Variants in IFNLR1 observed in about 807,000 individuals in gnomAD.
IFNLR1 encodes the protein interferon lambda receptor 1, also known as CRF2-12.
A neutral mutation model predicts 52.5 loss-of-function variants in IFNLR1; 28 were observed. The ratio of observed to expected loss-of-function variants is 0.53; its 90% CI spans 0.40 to 0.73. The LOEUF (loss-of-function observed/expected upper bound fraction) is 0.73. Ranked by LOEUF, IFNLR1 falls within the 30% of genes least tolerant of loss-of-function variation. The pLI, the probability that IFNLR1 is intolerant of heterozygous loss-of-function variation, is 0.00. For missense variants in IFNLR1, 623 were observed against 659.1 expected (o/e 0.95, Z 0.60); for synonymous variants, 276 against 274.9 (o/e 1.00, Z -0.04).
chr1:24,159,766 T>A, intron 4 of IFNLR1, 133 bp from the exon 5 acceptor site: 2 of 750,958 alleles, frequency 2.7e-6, no homozygotes, highest in Non-Finnish European at 4.2e-6. Flanking sequence ...TTGTAGGGGA[T>A]AGGGTTTGGT....
In IFNLR1 at chr1:24,156,786, G is replaced by A. The variant is rs1032020829; in HGVS notation, c.*344C>T. The A allele has an allele frequency of 1.5e-5, 4 of 270,920 alleles. No individual in the cohort carries two copies. In the South Asian group the frequency reaches 2.1e-4, roughly 15 times the overall value. The allele number at this position is 270,920 out of a possible 1,614,324, so 16.8% of individuals were successfully genotyped here. A position where few individuals can be genotyped will look rare whatever the true frequency, so the allele number is the denominator to read the frequency against. Reference sequence around the variant, plus strand: ...TTGGTGGTGTCCGCCCTTGATGTCCGCAGTGACCTGACCTCACCTGTTTCA... The same window carrying A: ...TTGGTGGTGTCCGCCCTTGATGTCCACAGTGACCTGACCTCACCTGTTTCA... On this transcript the variant is annotated 3_prime_UTR_variant, in exon 7 of 7. Transcript: ENST00000327535.
chr1:24,169,088 T>TAA (rs36067957), intron 3 of IFNLR1, among the ~76,000 whole-genome samples: 5 of 151,914 alleles, frequency 3.3e-5, no homozygotes, highest in African/African-American at 9.7e-5. Flanking sequence ...AAGCTGAACA[T>TAA]AAAAAATAGG....
Position 24,159,160 on chromosome 1 carries a change from C to A in IFNLR1, c.693G>T (p.Val231=). 1 of 1,614,156 alleles carries A rather than the reference C, an allele frequency of 6.2e-7. No individual in the cohort carries two copies. The highest frequency in any genetic ancestry group is 1.6e-4 in the Middle Eastern group (1 of 6,062). The change falls in exon 6 of 7, where the codon GTG becomes GTT. Residue 231 remains valine, a synonymous_variant. Coordinates refer to ENST00000327535, the MANE Select transcript of IFNLR1 (RefSeq NM_170743.4). ...EVPEANWAFL[V]LPSLLILLLV... ...ACAGCAGTATCAGAAGCGATGGCAGCACCAGGAAAGCCCAGTTGGCTTCTA... is the reference window on the plus strand; with the variant it reads ...ACAGCAGTATCAGAAGCGATGGCAGAACCAGGAAAGCCCAGTTGGCTTCTA...
Position 24,157,928 on chromosome 1 carries a change from G to T in IFNLR1, c.802-37C>A, listed in dbSNP as rs780845405. ...AGGGGAGAGAAAAGCAGAAAATTTA[G>T]GCTTTCCTGAAGCATAATTATCATC... is the stretch of plus-strand genomic sequence containing the variant. On this transcript the variant is annotated intron_variant, in intron 6 of 6. Coordinates refer to ENST00000327535, the MANE Select transcript of IFNLR1 (RefSeq NM_170743.4). The surrounding 1 kb of genome is among the most constrained non-coding windows in gnomAD (Gnocchi z 5.1). The T allele has an allele frequency of 1.3e-6, 2 of 1,507,724 alleles. No individual in the cohort carries two copies. The highest frequency in any genetic ancestry group is 1.8e-6 in the Non-Finnish European group (2 of 1,129,450). 93.4% of individuals were successfully genotyped at this position (1,507,724 alleles called of 1,614,324 possible). A position where few individuals can be genotyped will look rare whatever the true frequency, so the allele number is the denominator to read the frequency against.
chr1:24,178,052 AG>A (rs968590397), intron 2 of IFNLR1, among the ~76,000 whole-genome samples: 33 of 152,220 alleles, frequency 2.2e-4, no homozygotes, highest in African/African-American at 7.2e-4. Flanking sequence ...TGGGAGGCCG[AG>A]GGGGGCAGAT....
intron 1 of IFNLR1, among the ~76,000 whole-genome samples, chr1:24,181,775 TG>T (rs796922336): frequency 5.3e-5 from 8 of 152,188 alleles, no homozygotes; most frequent in African/African-American, 1.9e-4. Context: ...GCCAGAGCAA[TG>T]GTCAGACAGG....
Position 24,156,789 on chromosome 1 carries a change from G to A in IFNLR1, c.*341C>T. 1 of 283,054 alleles carries A rather than the reference G, an allele frequency of 3.5e-6. No individual in the cohort carries two copies. The highest frequency in any genetic ancestry group is 6.6e-6 in the Non-Finnish European group (1 of 152,524). The allele number at this position is 283,054 out of a possible 1,614,324, so 17.5% of individuals were successfully genotyped here. A position where few individuals can be genotyped will look rare whatever the true frequency, so the allele number is the denominator to read the frequency against. On this transcript the variant is annotated 3_prime_UTR_variant, in exon 7 of 7. Coordinates refer to ENST00000327535, the MANE Select transcript of IFNLR1 (RefSeq NM_170743.4). Reference sequence around the variant, plus strand: ...GTGGTGTCCGCCCTTGATGTCCGCAGTGACCTGACCTCACCTGTTTCATGT... The same window carrying A: ...GTGGTGTCCGCCCTTGATGTCCGCAATGACCTGACCTCACCTGTTTCATGT...
chr1:24,159,621 C>T lies in IFNLR1; in HGVS notation c.523G>A (p.Val175Ile), dbSNP rs1352033907. The stretch of plus-strand genomic sequence containing the variant: ...TGGACTGGCTGGCCATGGGGAGTGA[C>T]TGGAAATAGGGTCTGTTTGGAAAAG... ...EGAGNKTLFP[V>I]TPHGQPVQIT... is the part of the protein sequence containing the mutation. The change falls in exon 5 of 7, where the codon GTC (valine) becomes ATC (isoleucine). Residue 175 changes from valine (V) to isoleucine (I), a missense_variant. Physicochemically the swap from Val to Ile is conservative, Grantham distance 29 (BLOSUM62 3). Transcript: ENST00000327535. 1 of 1,613,642 alleles carries T rather than the reference C, an allele frequency of 6.2e-7. No individual in the cohort carries two copies. The highest frequency in any genetic ancestry group is 8.5e-7 in the Non-Finnish European group (1 of 1,179,940).
rs182433768 is a variant in IFNLR1 at position 24,162,896 on chromosome 1, C to T, written c.368-1212G>A. On this transcript the variant is annotated intron_variant, in intron 3 of 6. Transcript: ENST00000327535. ...CTTTCTTTCCTTCCTTCCTTCCTTC[C>T]TTCCTTCCTTCCTTCCTTCCTTTTC... 5.9e-3 allele frequency among the ~76,000 whole-genome samples: 441 copies of T among 74,558 alleles called. 7 individuals carry two copies. The highest frequency in any genetic ancestry group is 0.013 in the East Asian group (28 of 2,216). The allele number at this position is 74,558 out of a possible 152,430, so 48.9% of individuals were successfully genotyped here.
chr1:24,185,675 G>A (rs758648961), intron 1 of IFNLR1, among the ~76,000 whole-genome samples: 1 of 152,154 alleles, frequency 6.6e-6, no homozygotes, highest in Non-Finnish European at 1.5e-5. Flanking sequence ...ACTTCCTAAC[G>A]GGTGACCAGC....
intron 2 of IFNLR1, among the ~76,000 whole-genome samples, chr1:24,174,575 G>A (rs1383798262): frequency 6.6e-6 from 1 of 152,152 alleles, no homozygotes; most frequent in Non-Finnish European, 1.5e-5. Context: ...GTTATAAAGT[G>A]GCAAAGAACT....
intron 2 of IFNLR1, among the ~76,000 whole-genome samples, chr1:24,179,698 CA>C (rs1366079579): frequency 2.0e-5 from 3 of 152,218 alleles, no homozygotes; most frequent in Admixed American, 1.3e-4. Flanking sequence ...GGGGAAAACA[CA>C]GAGCCTGCCT....
At position 24,162,962 on chromosome 1, in the gene IFNLR1, C is replaced by CTTTT. The variant is rs754939969; in HGVS notation, c.368-1282_368-1279dup. ...TCTCTTTCTTTCTTCTTTCTTTCCT[C>CTTTT]TTTTTTTTTTTTTTTTGAGACAGAG... is the stretch of plus-strand genomic sequence containing the variant. On this transcript the variant is annotated intron_variant, in intron 3 of 6. Coordinates refer to ENST00000327535, the MANE Select transcript of IFNLR1 (RefSeq NM_170743.4). 3.8e-3 allele frequency among the ~76,000 whole-genome samples: 342 copies of CTTTT among 89,388 alleles called. 34 individuals carry two copies. The highest frequency in any genetic ancestry group is 0.011 in the African/African-American group (247 of 22,968). The allele number at this position is 89,388 out of a possible 152,430, so 58.6% of individuals were successfully genotyped here. A position where few individuals can be genotyped will look rare whatever the true frequency, so the allele number is the denominator to read the frequency against.
intron 3 of IFNLR1, among the ~76,000 whole-genome samples, chr1:24,167,027 T>C (rs940269952): frequency 1.3e-5 from 2 of 152,210 alleles, no homozygotes; most frequent in Non-Finnish European, 2.9e-5. Flanking sequence ...TCCTCACCAG[T>C]GTGGGCAGGC....
Position 24,169,451 on chromosome 1 carries a change from C to A in IFNLR1, c.333G>T (p.Trp111Cys). 1.2e-5 allele frequency: 19 copies of A among 1,614,194 alleles called. No individual in the cohort carries two copies. The highest frequency in any genetic ancestry group is 1.6e-5 in the Non-Finnish European group (19 of 1,180,034). Reference sequence around the variant, plus strand: ...GGTAATCCAGGTATTCGGACTCCACCCAGGGGGACTTGGAGCTGGGAGAAA... The same window carrying A: ...GGTAATCCAGGTATTCGGACTCCACACAGGGGGACTTGGAGCTGGGAGAAA... Reference protein sequence around the residue: ...RTVSPSSKSPWVESEYLDYLF... With the variant: ...RTVSPSSKSPCVESEYLDYLF... The change falls in exon 3 of 7, where the codon TGG (tryptophan) becomes TGT (cysteine). Residue 111 changes from tryptophan to cysteine, a missense_variant. Transcript: ENST00000327535.
At chr1:24,167,631 C>T (rs1040863563) in intron 3 of IFNLR1, among the ~76,000 whole-genome samples, 18 of 152,050 alleles carry the variant, frequency 1.2e-4, no homozygotes, top group Non-Finnish European at 1.6e-4. Flanking sequence ...ATGATCCATC[C>T]GCCTCGGCCT....
Position 24,162,872 on chromosome 1 carries a change from TTTCTTTCCTTCCTTCCTTCCTTCCTTCC to T in IFNLR1, c.368-1216_368-1189del, listed in dbSNP as rs1644474302. Reference sequence around the variant, plus strand: ...CTTTCTTTCTTTCTTTCTTTCTTTCTTTCTTTCCTTCCTTCCTTCCTTCCTTCCTTCCTTCCTTCCTTCCTTTTCTTTC... The same window carrying T: ...CTTTCTTTCTTTCTTTCTTTCTTTCTTTCCTTCCTTCCTTCCTTTTCTTTC... On this transcript the variant is annotated intron_variant, in intron 3 of 6. Transcript: ENST00000327535. Among the ~76,000 whole-genome samples the T allele has an allele frequency of 2.2e-4, 9 of 40,118 alleles. 1 individual carries two copies. Among genetic ancestry groups the T allele is most frequent in the Non-Finnish European group, 3.1e-4 (7 of 22,700 alleles). 26.3% of individuals were successfully genotyped at this position (40,118 alleles called of 152,430 possible). A position where few individuals can be genotyped will look rare whatever the true frequency, so the allele number is the denominator to read the frequency against.
At chr1:24,166,718 ATT>A (rs111879080) in intron 3 of IFNLR1, among the ~76,000 whole-genome samples, 6 of 148,630 alleles carry the variant, frequency 4.0e-5, no homozygotes, top group Admixed American at 1.3e-4. Context: ...AGCGAATTTA[ATT>A]TTTTTTTTTT....
At chr1:24,162,899 C>CCTTCCTTT (rs1644476434) in intron 3 of IFNLR1, among the ~76,000 whole-genome samples, 4 of 86,330 alleles carry the variant, frequency 4.6e-5, no homozygotes, top group African/African-American at 2.1e-4. Context: ...TTCCTTCCTT[C>CCTTCCTTT]CTTCCTTCCT....
Sources: allele counts gnomAD v4.1 joint callset (sites outside exome capture counted in the v4.1 genomes callset), GRCh38; gene constraint gnomAD v4.1.1; non-coding constraint Gnocchi (gnomAD v3.1); transcripts MANE v1.5; gene names NCBI Gene and HGNC (gene_info 2026-07-23, HGNC 2026-07-21).